The following GLS2 variants were observed in gnomAD, a reference collection of about 807,000 sequenced individuals.
GLS2 encodes glutaminase 2.
GLS2 carries 52 observed loss-of-function variants against 79.0 expected under a neutral mutation model. That is an observed-to-expected ratio of 0.66 (90% CI 0.53 to 0.83). The LOEUF (loss-of-function observed/expected upper bound fraction) is 0.83. Among genes scored for constraint, GLS2 ranks in the 40% least tolerant of loss-of-function variants. GLS2 has a pLI of 0.00. For missense variants in GLS2, 561 were observed against 764.8 expected (o/e 0.73, Z 3.14); for synonymous variants, 238 against 280.8 (o/e 0.85, Z 1.52).
intron 4 of GLS2, 73 bp downstream of exon 4, chr12:56,478,979 G>C: frequency 8.7e-6 from 13 of 1,486,348 alleles, no homozygotes; most frequent in Non-Finnish European, 1.2e-5. Context: ...GCAAAACTCT[G>C]TCTCAGGAAA....
chr12:56,471,409 A>G lies in GLS2; in HGVS notation c.*78T>C. The G allele has an allele frequency of 6.9e-7, 1 of 1,439,310 alleles. No individual in the cohort carries two copies. The highest frequency in any genetic ancestry group is 2.2e-5 in the Admixed American group (1 of 46,458). The allele number at this position is 1,439,310 out of a possible 1,614,324, so 89.2% of individuals were successfully genotyped here. On this transcript the variant is annotated 3_prime_UTR_variant, in exon 18 of 18. Transcript: ENST00000311966. Reference sequence around the variant, plus strand: ...CCACTGAAGCAGTGTAGCTCTCCATAGTATTTTTGGTGGTTATGGATTACA... The same window carrying G: ...CCACTGAAGCAGTGTAGCTCTCCATGGTATTTTTGGTGGTTATGGATTACA...
intron 1 of GLS2, among the ~76,000 whole-genome samples, chr12:56,482,183 A>G (rs1027639406): frequency 2.0e-5 from 3 of 152,070 alleles, no homozygotes; most frequent in African/African-American, 7.2e-5. Context: ...GTCAGTCGAG[A>G]TTGTGCCACT....
intron 16 of GLS2, 119 bp downstream of exon 16, chr12:56,472,000 C>T (rs1592271563): frequency 6.2e-6 from 8 of 1,290,438 alleles, no homozygotes; most frequent in Non-Finnish European, 8.9e-6. Context: ...CGAAGGGTGT[C>T]TAGATAAAAC....
intron 12 of GLS2, 52 bp downstream of exon 12, chr12:56,474,492 C>T: frequency 1.9e-6 from 3 of 1,605,700 alleles, no homozygotes; most frequent in Non-Finnish European, 2.5e-6. Context: ...TCAGTGTTCT[C>T]TCTTCTTAGC....
chr12:56,481,422 G>T (rs1870287992), intron 1 of GLS2, among the ~76,000 whole-genome samples: 1 of 149,706 alleles, frequency 6.7e-6, no homozygotes, highest in Non-Finnish European at 1.5e-5. Flanking sequence ...CGGTCAGGCT[G>T]GTCTCGAACG....
chr12:56,471,316 T>C lies in GLS2; in HGVS notation c.*171A>G. Reference sequence around the variant, plus strand: ...AGGCCCTTCTCTGTACTCTGTCTGCTGAGGGAATGGGGTATTTTGACTCCC... The same window carrying C: ...AGGCCCTTCTCTGTACTCTGTCTGCCGAGGGAATGGGGTATTTTGACTCCC... On this transcript the variant is annotated 3_prime_UTR_variant, in exon 18 of 18. Coordinates refer to ENST00000311966, the MANE Select transcript of GLS2 (RefSeq NM_013267.4). 1 of 661,608 alleles carries C rather than the reference T, an allele frequency of 1.5e-6. No individual in the cohort carries two copies. The highest frequency in any genetic ancestry group is 1.8e-5 in the African/African-American group (1 of 55,090). The allele number at this position is 661,608 out of a possible 1,614,324, so 41.0% of individuals were successfully genotyped here.
At chr12:56,478,151 C>T (rs1367905683) in intron 5 of GLS2, 32 bp downstream of exon 5, 2 of 1,614,158 alleles carry the variant, frequency 1.2e-6, no homozygotes, top group East Asian at 2.2e-5. Flanking sequence ...CACCTGTGCC[C>T]TGCCTCCCCT....
chr12:56,479,208 G>C, intron 3 of GLS2, 27 bp from the exon 4 acceptor site: 2 of 1,610,376 alleles, frequency 1.2e-6, no homozygotes, highest in East Asian at 2.2e-5. Context: ...ATTGGATTAG[G>C]GGGCTAGAGA....
Position 56,472,673 on chromosome 12 carries a change from G to A in GLS2, c.1511+17C>T. 6.2e-7 allele frequency: 1 copy of A among 1,609,010 alleles called. No homozygotes were observed. Among genetic ancestry groups the A allele is most frequent in the Non-Finnish European group, 8.5e-7 (1 of 1,175,778 alleles). On this transcript the variant is annotated intron_variant, in intron 15 of 17. Transcript: ENST00000311966. ...CAGGAGTATTTTATTGTGTATATTT[G>A]GTCACAGTAGCATTACCTTCGAAGA...
At chr12:56,482,415 C>T (rs1246236757) in intron 1 of GLS2, among the ~76,000 whole-genome samples, 4 of 152,112 alleles carry the variant, frequency 2.6e-5, no homozygotes, top group African/African-American at 9.7e-5. Flanking sequence ...TAGTATGGTC[C>T]TGCTCATTCT....
intron 9 of GLS2, 173 bp downstream of exon 9, chr12:56,475,451 T>C (rs1592275422): frequency 1.4e-6 from 1 of 725,770 alleles, no homozygotes; most frequent in East Asian, 2.7e-5. Flanking sequence ...GAACAAATTA[T>C]TTTACAAGAT....
At chr12:56,477,799 A>G in intron 6 of GLS2, 81 bp from the exon 7 acceptor site, 1 of 1,552,308 alleles carries the variant, frequency 6.4e-7, no homozygotes, top group Non-Finnish European at 8.8e-7. Context: ...GGGTTAGACA[A>G]GAAAGACTGC....
chr12:56,480,215 G>C, intron 2 of GLS2, 73 bp downstream of exon 2: 2 of 1,335,906 alleles, frequency 1.5e-6, no homozygotes, highest in South Asian at 1.3e-5. Flanking sequence ...CCCTGCACTT[G>C]TCATACCCTC....
intron 7 of GLS2, 74 bp from the exon 8 acceptor site, chr12:56,476,051 T>A: frequency 2.1e-6 from 3 of 1,455,382 alleles, no homozygotes; most frequent in Non-Finnish European, 2.9e-6. Context: ...AAGGATCTAG[T>A]GGAGTTCTAG....
intron 1 of GLS2, among the ~76,000 whole-genome samples, chr12:56,483,325 T>C (rs58252713): frequency 0.4 from 61,321 of 151,572 alleles, 13,582 homozygotes; most frequent in African/African-American, 0.59. Context: ...GTGATCCGCC[T>C]GCCTCCCCCT....
chr12:56,474,497 C>T, intron 12 of GLS2, 47 bp downstream of exon 12: 1 of 1,608,704 alleles, frequency 6.2e-7, no homozygotes, highest in Non-Finnish European at 8.5e-7. Context: ...GTTCTCTCTT[C>T]TTAGCACTGG....
At position 56,479,883 on chromosome 12, in the gene GLS2, G is replaced by C. The variant is rs1446154492; in HGVS notation, c.301C>G (p.Leu101Val). Residue 101 changes from leucine to valine, a missense_variant, in exon 3 of 18, where the codon CTG (leucine) becomes GTG (valine). Physicochemically the swap from Leu to Val is conservative, Grantham distance 32. Coordinates refer to ENST00000311966, the MANE Select transcript of GLS2 (RefSeq NM_013267.4). ...CGGAGCCGAGGATCTGATGTCTGCAGTCCAGTGGCCTTTAGTGCCTTTAGA... is the reference window on the plus strand; with the variant it reads ...CGGAGCCGAGGATCTGATGTCTGCACTCCAGTGGCCTTTAGTGCCTTTAGA... ...KFTTALKATG[L>V]QTSDPRLRDC... 6.2e-7 allele frequency: 1 copy of C among 1,613,422 alleles called. No individual in the cohort carries two copies. Among genetic ancestry groups the C allele is most frequent in the Admixed American group, 1.7e-5 (1 of 60,008 alleles).
rs1178324056 is a variant in GLS2 at position 56,475,991 on chromosome 12, G to A, written c.838-14C>T. The stretch of plus-strand genomic sequence containing the variant: ...GTTACAGTCCATCTGCAGAGAAAGA[G>A]AGAGATGTCAGCATTCTAAGTGTAG... On this transcript the variant is annotated splice_polypyrimidine_tract_variant and intron_variant, in intron 7 of 17. Transcript: ENST00000311966. 2 of 1,612,162 alleles carry A rather than the reference G, an allele frequency of 1.2e-6. No homozygotes were observed. Among genetic ancestry groups the A allele is most frequent in the Admixed American group, 1.7e-5 (1 of 60,010 alleles).
At chr12:56,480,215 G>A in intron 2 of GLS2, 73 bp downstream of exon 2, 1 of 1,335,906 alleles carries the variant, frequency 7.5e-7, no homozygotes, top group Non-Finnish European at 1.1e-6. Flanking sequence ...CCCTGCACTT[G>A]TCATACCCTC....
Sources: gnomAD v4.1 joint callset for allele counts (sites outside exome capture counted in the v4.1 genomes callset) on GRCh38, gnomAD v4.1.1 for gene constraint, MANE v1.5 for transcripts, NCBI Gene and HGNC (gene_info 2026-07-23, HGNC 2026-07-21) for gene names.